Variants in FBXL17 observed in about 807,000 individuals in gnomAD.
FBXL17 encodes F-box and leucine rich repeat protein 17.
A neutral mutation model predicts 66.2 loss-of-function variants in FBXL17; 22 were observed. The observed-to-expected ratio is 0.33, with a 90% CI of 0.24 to 0.47. The LOEUF is 0.47. Among genes scored for constraint, FBXL17 ranks in the 20% least tolerant of loss-of-function variants. FBXL17 has a pLI of 1.00. For synonymous variants in FBXL17, 474 were observed against 400.5 expected (o/e 1.18, Z -2.19); for missense variants, 878 against 948.2 (o/e 0.93, Z 0.97).
intron 4 of FBXL17, among the ~76,000 whole-genome samples, chr5:108,308,256 C>G (rs1758948371): frequency 6.6e-6 from 1 of 151,862 alleles, no homozygotes; most frequent in African/African-American, 2.4e-5. Flanking sequence ...GTAGAAATAA[C>G]AATAACAAGT....
At chr5:108,097,821 T>C (rs117646618) in intron 6 of FBXL17, among the ~76,000 whole-genome samples, 1,553 of 152,154 alleles carry the variant, frequency 0.01, 57 homozygotes, top group Admixed American at 0.067. Flanking sequence ...GAGGTGTCTT[T>C]CCTGACTACC....
chr5:108,321,184 TGTA>T (rs1327686179), intron 4 of FBXL17, among the ~76,000 whole-genome samples: 1 of 151,894 alleles, frequency 6.6e-6, no homozygotes, highest in Non-Finnish European at 1.5e-5. Context: ...CACTTATTGC[TGTA>T]GTATGTTCAA....
intron 6 of FBXL17, among the ~76,000 whole-genome samples, chr5:108,033,999 A>C (rs528205665): frequency 6.6e-6 from 1 of 152,342 alleles, no homozygotes; most frequent in East Asian, 1.9e-4. Flanking sequence ...TCATATAATT[A>C]ATGCATTTTA....
At chr5:108,132,137 C>T (rs1429756163) in intron 6 of FBXL17, among the ~76,000 whole-genome samples, 13 of 152,192 alleles carry the variant, frequency 8.5e-5, no homozygotes, top group African/African-American at 2.6e-4. Flanking sequence ...CCACCACGCC[C>T]AGCTAATTTT....
intron 4 of FBXL17, among the ~76,000 whole-genome samples, chr5:108,257,187 C>T (rs1249151158): frequency 6.6e-6 from 1 of 152,110 alleles, no homozygotes; most frequent in Admixed American, 6.6e-5. Context: ...GAAAACAGCA[C>T]AACAAACAAA....
intron 4 of FBXL17, among the ~76,000 whole-genome samples, chr5:108,329,883 G>C (rs1241857218): frequency 3.9e-5 from 6 of 152,034 alleles, no homozygotes; most frequent in South Asian, 4.2e-4. Context: ...AGGTGTTACT[G>C]TCTTCCCCAG....
At chr5:108,236,409 A>G (rs1755605195) in intron 4 of FBXL17, among the ~76,000 whole-genome samples, 1 of 151,502 alleles carries the variant, frequency 6.6e-6, no homozygotes, top group Admixed American at 6.6e-5. Context: ...GCTACTCAGG[A>G]GGCTGAGGCA....
rs191963042 is a variant in FBXL17, at chr5:107,941,791, C to G, written c.1823-60612G>C. Among the ~76,000 whole-genome samples, 10 of 152,280 alleles carry G rather than the reference C, an allele frequency of 6.6e-5. No individual in the cohort carries two copies. In the South Asian group the frequency reaches 1.9e-3, roughly 28 times the overall value. ...GAGGACTAAATAATTCAATTCGAAC[C>G]TAATTCAGCATCTTATGCATCCCCC... On this transcript the variant is annotated intron_variant, in intron 7 of 8. Coordinates refer to ENST00000542267, the MANE Select transcript of FBXL17 (RefSeq NM_001163315.3).
intron 7 of FBXL17, among the ~76,000 whole-genome samples, chr5:107,894,958 G>T (rs1749324471): frequency 6.6e-6 from 1 of 151,956 alleles, no homozygotes; most frequent in Non-Finnish European, 1.5e-5. Flanking sequence ...AATCTCTTAG[G>T]AATCAGTTCT....
At chr5:107,956,990 G>T (rs1751687786) in intron 7 of FBXL17, among the ~76,000 whole-genome samples, 1 of 152,148 alleles carries the variant, frequency 6.6e-6, no homozygotes, top group African/African-American at 2.4e-5. Flanking sequence ...AAGTGAATTA[G>T]CATCGATTTC....
At position 108,098,746 on chromosome 5, in the gene FBXL17, T is replaced by TAAAAAA. The variant is rs10649679; in HGVS notation, c.1746-77751_1746-77746dup. Among the ~76,000 whole-genome samples the TAAAAAA allele has an allele frequency of 3.3e-3, 396 of 118,512 alleles. 6 individuals carry two copies. Among genetic ancestry groups the TAAAAAA allele is most frequent in the African/African-American group, 0.012 (378 of 30,314 alleles). 77.7% of individuals were successfully genotyped at this position (118,512 alleles called of 152,430 possible). A position where few individuals can be genotyped will look rare whatever the true frequency, so the allele number is the denominator to read the frequency against. On this transcript the variant is annotated intron_variant, in intron 6 of 8. Coordinates refer to ENST00000542267, the MANE Select transcript of FBXL17 (RefSeq NM_001163315.3). ...GGCAACAGAGCGACACTCTGTCTCA[T>TAAAAAA]AAAAAAAAAAAAAAAAAAAAATTCT...
intron 7 of FBXL17, among the ~76,000 whole-genome samples, chr5:107,898,952 A>G (rs991069340): frequency 1.9e-4 from 29 of 152,164 alleles, no homozygotes; most frequent in African/African-American, 6.0e-4. Context: ...TTATAATAGA[A>G]TGATTTATAT....
intron 4 of FBXL17, among the ~76,000 whole-genome samples, chr5:108,295,154 C>T (rs1479737441): frequency 1.3e-5 from 2 of 151,784 alleles, no homozygotes; most frequent in East Asian, 3.9e-4. Flanking sequence ...TTACACAATT[C>T]GATTCCTAGT....
At chr5:108,349,885 A>G (rs944489034) in intron 3 of FBXL17, among the ~76,000 whole-genome samples, 12 of 152,150 alleles carry the variant, frequency 7.9e-5, no homozygotes, top group African/African-American at 2.9e-4. Flanking sequence ...CTCCAAATGA[A>G]CTTTAGCCTT....
rs1202613193 is a variant in FBXL17 at position 108,380,723 on chromosome 5, C to G, written c.969G>C (p.Gln323His). ...EPPPETPDIN[Q>H]LPPSILLKIF... ...CCTTGAGCAGGATGGACGGCGGCAG[C>G]TGGTTGATGTCTGGGGTTTCGGGGG... is the stretch of plus-strand genomic sequence containing the variant. The change falls in exon 1 of 9, where the codon CAG becomes CAC. Residue 323 changes from glutamine (Q) to histidine (H), a missense_variant. By Grantham distance (24) the Gln-to-His change is conservative. This residue lies in a region of FBXL17 where 605 missense variants were observed against 509.5 expected (regional missense o/e 1.19). Transcript: ENST00000542267. The G allele has an allele frequency of 8.0e-7, 1 of 1,249,762 alleles. No individual in the cohort carries two copies. Among genetic ancestry groups the G allele is most frequent in the East Asian group, 3.2e-5 (1 of 31,704 alleles). 77.4% of individuals were successfully genotyped at this position (1,249,762 alleles called of 1,614,324 possible).
At chr5:108,273,040 C>T (rs988532844) in intron 4 of FBXL17, among the ~76,000 whole-genome samples, 9 of 151,766 alleles carry the variant, frequency 5.9e-5, no homozygotes, top group African/African-American at 1.7e-4. Flanking sequence ...CGGTAGGTTC[C>T]GTGATGCCCA....
chr5:108,380,546 G>A (rs1749773832), intron 1 of FBXL17, among the ~76,000 whole-genome samples, 153 bp downstream of exon 1: 1 of 151,974 alleles, frequency 6.6e-6, no homozygotes, highest in Admixed American at 6.6e-5. Flanking sequence ...ATAGGCAGAG[G>A]CCCCACTGGC....
At chr5:108,110,619 A>C (rs1340206915) in intron 6 of FBXL17, among the ~76,000 whole-genome samples, 1 of 152,150 alleles carries the variant, frequency 6.6e-6, no homozygotes, top group South Asian at 2.1e-4. Context: ...CCATTTTTCG[A>C]TGCTGAGTAA....
intron 7 of FBXL17, among the ~76,000 whole-genome samples, chr5:107,946,019 G>A (rs1399416747): frequency 6.6e-6 from 1 of 151,586 alleles, no homozygotes; most frequent in Admixed American, 6.6e-5. Flanking sequence ...AAAGCACACA[G>A]TATTAGCAGT....
Sources: gnomAD v4.1 joint callset for allele counts (sites outside exome capture counted in the v4.1 genomes callset) on GRCh38, gnomAD v4.1.1 for gene constraint, gnomAD v4.1.1 regional missense constraint, MANE v1.5 for transcripts, NCBI Gene and HGNC (gene_info 2026-07-23, HGNC 2026-07-21) for gene names.